The following THUMPD3 variants were observed in gnomAD, a reference collection of about 807,000 sequenced individuals.
THUMPD3 encodes tRNA (guanine(6)-N(2))-methyltransferase THUMP3.
Under a neutral mutation model 54.5 loss-of-function variants are expected in THUMPD3, and 44 were observed. The ratio of observed to expected loss-of-function variants is 0.81; its 90% CI spans 0.63 to 1.04. The LOEUF is 1.04. THUMPD3 is among the 50% of genes least tolerant of loss of function. THUMPD3 has a pLI of 0.00. For synonymous variants in THUMPD3, 196 were observed against 201.4 expected (o/e 0.97, Z 0.23); for missense variants, 604 against 601.3 (o/e 1.00, Z -0.05).
chr3:9,381,479 A>C (rs2032887689), intron 7 of THUMPD3, among the ~76,000 whole-genome samples: 1 of 152,172 alleles, frequency 6.6e-6, no homozygotes, highest in African/African-American at 2.4e-5. Flanking sequence ...ACTCCAGGAC[A>C]ATGCTGATGC....
At chr3:9,371,688 A>T (rs2032052422) in intron 4 of THUMPD3, 152 bp downstream of exon 4, 1 of 722,880 alleles carries the variant, frequency 1.4e-6, no homozygotes, top group Admixed American at 2.4e-5. Context: ...TTAGATCCAA[A>T]TTTTAACTCC....
intron 9 of THUMPD3, 43 bp from the exon 10 acceptor site, chr3:9,384,481 G>C (rs945463338): frequency 6.2e-7 from 1 of 1,611,958 alleles, no homozygotes; most frequent in African/African-American, 1.3e-5. Context: ...TGATGTAAAA[G>C]TAGATTGTCA....
rs115588723 is a variant in THUMPD3, at chr3:9,369,656, G to A, written c.331-1404G>A. 7.4e-3 allele frequency among the ~76,000 whole-genome samples: 1,134 copies of A among 152,282 alleles called. 13 individuals are homozygous for A. The highest frequency in any genetic ancestry group is 0.026 in the African/African-American group (1,072 of 41,532). On this transcript the variant is annotated intron_variant, in intron 3 of 9. Transcript: ENST00000452837. ...GCTGCGTATACTCCATTGTTTGGCT[G>A]TATAATAATTTAACCAGTCCCATTT...
chr3:9,375,470 C>T (rs754615953), intron 5 of THUMPD3, among the ~76,000 whole-genome samples: 1 of 152,182 alleles, frequency 6.6e-6, no homozygotes, highest in Non-Finnish European at 1.5e-5. Context: ...GTGCTTCTTT[C>T]CACCACTTGA....
At chr3:9,384,368 G>A in intron 9 of THUMPD3, 33 bp downstream of exon 9, 1 of 1,599,502 alleles carries the variant, frequency 6.3e-7, no homozygotes, top group Non-Finnish European at 8.5e-7. Context: ...ATCGCAGCCT[G>A]TGGCAACTTT....
chr3:9,376,918 C>G (rs998751726), intron 5 of THUMPD3, among the ~76,000 whole-genome samples: 1 of 152,172 alleles, frequency 6.6e-6, no homozygotes, highest in Non-Finnish European at 1.5e-5. Flanking sequence ...AGGGTCCTTA[C>G]TGAGGATTCT....
chr3:9,371,257 T>C lies in THUMPD3; in HGVS notation c.528T>C (p.Thr176=), dbSNP rs755420422. Residue 176 remains threonine (T), a synonymous_variant, in exon 4 of 10, where the codon ACT becomes ACC. Coordinates refer to ENST00000452837, the MANE Select transcript of THUMPD3 (RefSeq NM_001114092.2). ...AGAGAAATGTTAAAAAAGAGTTCACTAGCCATGCTTTAGATTCTCATATCT... is the reference window on the plus strand; with the variant it reads ...AGAGAAATGTTAAAAAAGAGTTCACCAGCCATGCTTTAGATTCTCATATCT... ...IDQRNVKKEF[T]SHALDSHILD... is the part of the protein sequence containing the mutation. The C allele has an allele frequency of 5.6e-6, 9 of 1,613,172 alleles. No homozygotes were observed. The highest frequency in any genetic ancestry group is 7.6e-6 in the Non-Finnish European group (9 of 1,179,792).
At chr3:9,384,480 AG>A in intron 9 of THUMPD3, 43 bp from the exon 10 acceptor site, 1 of 1,611,930 alleles carries the variant, frequency 6.2e-7, no homozygotes, top group South Asian at 1.1e-5. Context: ...TTGATGTAAA[AG>A]TAGATTGTCA....
At chr3:9,373,122 G>T (rs1323240418) in intron 4 of THUMPD3, among the ~76,000 whole-genome samples, 1 of 152,008 alleles carries the variant, frequency 6.6e-6, no homozygotes, top group Non-Finnish European at 1.5e-5. Context: ...AAAATGAATA[G>T]GTTAACCAGA....
In THUMPD3 at chr3:9,384,560, G is replaced by T; in HGVS notation, c.1396G>T (p.Asp466Tyr). ...SGMRHVWRKV[D>Y]TVWVNVGGLR... ...AATGCGACACGTATGGCGAAAGGTG[G>T]ATACAGTCTGGGTGAACGTTGGTGG... is the stretch of plus-strand genomic sequence containing the variant. Residue 466 changes from aspartate (D) to tyrosine (Y), a missense_variant, in exon 10 of 10, where the codon GAT (aspartate) becomes TAT (tyrosine). Transcript: ENST00000452837. The T allele has an allele frequency of 6.2e-7, 1 of 1,614,186 alleles. No homozygotes were observed. Among genetic ancestry groups the T allele is most frequent in the South Asian group, 1.1e-5 (1 of 91,088 alleles).
chr3:9,371,453 TC>T lies in THUMPD3; in HGVS notation c.725del (p.Ser242Ter). ...NRAGEKHCFTSNEAARDFGGA... is the reference protein window; with the variant it reads ...NRAGEKHCFTXNEAARDFGGA... ...GGCAGGAGAGAAACATTGCTTTACC[TC>T]AAATGAGGCTGCAAGAGATTTTGGG... is the stretch of plus-strand genomic sequence containing the variant. On this transcript the variant is annotated frameshift_variant, in exon 4 of 10. Transcript: ENST00000452837. LOFTEE classifies it high-confidence loss of function. 2 of 1,614,188 alleles carry T rather than the reference TC, an allele frequency of 1.2e-6. No homozygotes were observed. The highest frequency in any genetic ancestry group is 1.7e-6 in the Non-Finnish European group (2 of 1,180,028).
At position 9,386,127 on chromosome 3, in the gene THUMPD3, C is replaced by G. The variant is rs746828537; in HGVS notation, c.*1439C>G. On this transcript the variant is annotated 3_prime_UTR_variant, in exon 10 of 10. Coordinates refer to ENST00000452837, the MANE Select transcript of THUMPD3 (RefSeq NM_001114092.2). ...GAGTTCACATTAGCAGCACAGCCAGCAATCCTCATCTGGTTTCTCTGATCT... is the reference window on the plus strand; with the variant it reads ...GAGTTCACATTAGCAGCACAGCCAGGAATCCTCATCTGGTTTCTCTGATCT... 1 of 152,210 alleles carries G rather than the reference C, an allele frequency of 6.6e-6. No homozygotes were observed. The highest frequency in any genetic ancestry group is 6.5e-5 in the Admixed American group (1 of 15,274). The allele number at this position is 152,210 out of a possible 1,614,324, so 9.4% of individuals were successfully genotyped here.
chr3:9,382,578 C>T (rs969553343), intron 7 of THUMPD3, among the ~76,000 whole-genome samples: 5 of 152,120 alleles, frequency 3.3e-5, no homozygotes, highest in African/African-American at 1.2e-4. Flanking sequence ...ATACATCACC[C>T]CATTATCTAT....
rs372420833 is a variant in THUMPD3 at position 9,384,327 on chromosome 3, T to C, written c.1351T>C (p.Phe451Leu). The change falls in exon 9 of 10, where the codon TTT becomes CTT. Residue 451 changes from phenylalanine to leucine, a missense_variant. Transcript: ENST00000452837. ...AVLLTQDTKC[F>L]TKALSGMRHV... ...ACTACTTACTCAAGACACAAAATGC[T>C]TTACCAAGGTGCTATACACATTAGC... The C allele has an allele frequency of 2.5e-6, 4 of 1,613,820 alleles. No homozygotes were observed. Among genetic ancestry groups the C allele is most frequent in the Non-Finnish European group, 2.5e-6 (3 of 1,179,944 alleles).
At chr3:9,376,228 G>A (rs1236802357) in intron 5 of THUMPD3, among the ~76,000 whole-genome samples, 1 of 152,110 alleles carries the variant, frequency 6.6e-6, no homozygotes, top group Non-Finnish European at 1.5e-5. Flanking sequence ...GAAATCTTGG[G>A]GATTCTACAG....
intron 7 of THUMPD3, 39 bp from the exon 8 acceptor site, chr3:9,383,160 T>G: frequency 7.0e-7 from 1 of 1,425,478 alleles, no homozygotes; most frequent in Non-Finnish European, 9.9e-7. Flanking sequence ...AACTTTATGC[T>G]TCACAGTATG....
Position 9,380,618 on chromosome 3 carries a change from G to A in THUMPD3, c.1124G>A (p.Gly375Asp). 6.3e-7 allele frequency: 1 copy of A among 1,599,086 alleles called. No homozygotes were observed. The highest frequency in any genetic ancestry group is 8.6e-7 in the Non-Finnish European group (1 of 1,168,822). Residue 375 changes from glycine (G) to aspartate (D), a missense_variant and splice_region_variant, in exon 7 of 10, where the codon GGC becomes GAC. By Grantham distance (94) the Gly-to-Asp change is moderately conservative (BLOSUM62 -1). Transcript: ENST00000452837. ...TTGACCAAGAGCCAAATTAAAGAAG[G>A]GTAAAAATTTAAAAGATTTCTTAGC... is the stretch of plus-strand genomic sequence containing the variant. Reference protein sequence around the residue: ...SLLTKSQIKEGKPSWGLPIDA... With the variant: ...SLLTKSQIKEDKPSWGLPIDA...
intron 6 of THUMPD3, 122 bp downstream of exon 6, chr3:9,378,010 CAATT>C (rs1559308471): frequency 7.9e-6 from 6 of 761,116 alleles, no homozygotes; most frequent in Non-Finnish European, 1.1e-5. Context: ...AGTTTTAAAA[CAATT>C]AACAATAGAA....
At chr3:9,378,567 A>G (rs1283259301) in intron 6 of THUMPD3, among the ~76,000 whole-genome samples, 1 of 152,236 alleles carries the variant, frequency 6.6e-6, no homozygotes, top group African/African-American at 2.4e-5. Flanking sequence ...GTTCTTCCAT[A>G]TAGTATACTG....
Sources: allele counts gnomAD v4.1 joint callset (sites outside exome capture counted in the v4.1 genomes callset), GRCh38; gene constraint gnomAD v4.1.1; transcripts MANE v1.5; gene names NCBI Gene and HGNC (gene_info 2026-07-23, HGNC 2026-07-21).